Variants in TENM1 observed in about 807,000 individuals in gnomAD.
TENM1 encodes the protein teneurin transmembrane protein 1.
Under a neutral mutation model 174.8 loss-of-function variants are expected in TENM1, and 35 were observed. The ratio of observed to expected loss-of-function variants is 0.20; its 90% confidence interval spans 0.15 to 0.27. The LOEUF (loss-of-function observed/expected upper bound fraction) is 0.27, where lower values mean the gene tolerates loss of function less well. Among genes scored for constraint, TENM1 ranks in the 10% least tolerant of loss-of-function variants. The pLI is 1.00. For missense variants in TENM1, 1,633 were observed against 2,130.1 expected, an observed-to-expected ratio of 0.77 and a Z score of 4.59; for synonymous variants, 781 against 798.7, an observed-to-expected ratio of 0.98 and a Z score of 0.37.
intron 11 of TENM1, among the ~76,000 whole-genome samples, chrX:124,587,382 C>A (rs927810867): frequency 2.8e-5 from 3 of 107,006 alleles, no homozygotes. Flanking sequence ...AGAAATAATG[C>A]CACATATCTA....
the TENM1 span, among the ~76,000 whole-genome samples, chrX:124,987,003 C>T: frequency 1.8e-5 from 2 of 111,726 alleles, no homozygotes; most frequent in African/African-American, 6.5e-5. Flanking sequence ...TAACTGCATA[C>T]GCCTGCACCA....
the TENM1 span, among the ~76,000 whole-genome samples, chrX:125,201,854 T>A: frequency 2.7e-5 from 3 of 111,937 alleles, no homozygotes; most frequent in African/African-American, 9.8e-5. Context: ...AATAGTGTTA[T>A]GAACTTGAAC....
chrX:124,615,428 C>T (rs1377829351), intron 11 of TENM1, among the ~76,000 whole-genome samples: 1 of 110,933 alleles, frequency 9.0e-6, no homozygotes, highest in East Asian at 2.8e-4. Context: ...CTTCTCTGTG[C>T]CTTAGTTTCC....
At chrX:124,389,333 T>TG (rs1455561812) in intron 28 of TENM1, among the ~76,000 whole-genome samples, 1 of 112,185 alleles carries the variant, frequency 8.9e-6, no homozygotes. Flanking sequence ...CAGAGTATTT[T>TG]GGGGTGTAAA....
chrX:124,823,296 G>C (rs1408879311), intron 3 of TENM1, among the ~76,000 whole-genome samples: 3 of 112,129 alleles, frequency 2.7e-5, no homozygotes, highest in African/African-American at 9.7e-5. Context: ...TGTTATAACA[G>C]AGTCTGGCAT....
At chrX:124,760,270 C>T (rs146958252) in intron 3 of TENM1, among the ~76,000 whole-genome samples, 2 of 111,749 alleles carry the variant, frequency 1.8e-5, no homozygotes, top group African/African-American at 3.3e-5. Context: ...CTTTCCTGGT[C>T]GTGTGACAAG....
the TENM1 span, among the ~76,000 whole-genome samples, chrX:125,200,512 G>C: frequency 1.8e-5 from 2 of 110,390 alleles, no homozygotes; most frequent in East Asian, 5.7e-4. Context: ...TTTTAAGTAC[G>C]CATGGATTAT....
At chrX:124,741,818 T>C (rs1328209612) in intron 3 of TENM1, among the ~76,000 whole-genome samples, 2 of 112,342 alleles carry the variant, frequency 1.8e-5, no homozygotes, top group Non-Finnish European at 3.8e-5. Context: ...TTTTGTGTAT[T>C]CTTACGCAGT....
intron 11 of TENM1, among the ~76,000 whole-genome samples, chrX:124,620,772 T>A (rs2050498806): frequency 8.9e-6 from 1 of 112,151 alleles, no homozygotes; most frequent in Admixed American, 9.5e-5. Flanking sequence ...CTTAATATAT[T>A]CTTGTTGTCT....
chrX:124,695,780 C>T (rs181771644), intron 5 of TENM1, among the ~76,000 whole-genome samples: 1 of 110,761 alleles, frequency 9.0e-6, no homozygotes, highest in Non-Finnish European at 1.9e-5. Flanking sequence ...CCCATTGAAC[C>T]TCTTATTTTT....
intron 11 of TENM1, among the ~76,000 whole-genome samples, chrX:124,570,875 C>T (rs1419743066): frequency 9.0e-6 from 1 of 111,243 alleles, no homozygotes; most frequent in East Asian, 2.8e-4. Context: ...TGCCTATGAT[C>T]ATCATTTCTA....
chrX:124,450,359 CAAA>C (rs34309778), intron 23 of TENM1, among the ~76,000 whole-genome samples: 5 of 77,330 alleles, frequency 6.5e-5, no homozygotes, highest in Non-Finnish European at 4.9e-5. Flanking sequence ...GACTCCGTCT[CAAA>C]AAAAAAAAAA....
At chrX:124,789,773 C>G (rs953592037) in intron 3 of TENM1, among the ~76,000 whole-genome samples, 7 of 111,752 alleles carry the variant, frequency 6.3e-5, no homozygotes, top group African/African-American at 2.3e-4. Flanking sequence ...CTAGGGAGTT[C>G]CAAACTTTCC....
intron 1 of TENM1, among the ~76,000 whole-genome samples, chrX:124,928,911 C>T (rs1407695934): frequency 8.9e-6 from 1 of 111,852 alleles, no homozygotes; most frequent in Non-Finnish European, 1.9e-5. Flanking sequence ...AAACATTTGA[C>T]TTGGTTTTCA....
intron 5 of TENM1, 147 bp downstream of exon 8, chrX:124,704,866 A>C (rs955020678): frequency 2.2e-6 from 1 of 464,019 alleles, no homozygotes; most frequent in African/African-American, 2.4e-5. Context: ...AAGAAAAAAA[A>C]AAAAGAAGAA....
At chrX:124,447,814 C>G (rs148575574) in intron 23 of TENM1, among the ~76,000 whole-genome samples, 2 of 110,950 alleles carry the variant, frequency 1.8e-5, no homozygotes, top group African/African-American at 6.6e-5. Flanking sequence ...GGTCTTGAGC[C>G]TTCTCCTCTT....
At chrX:124,415,972 C>T (rs184025493) in intron 25 of TENM1, among the ~76,000 whole-genome samples, 235 of 111,627 alleles carry the variant, frequency 2.1e-3, no homozygotes, top group Non-Finnish European at 3.0e-3. Flanking sequence ...TTAAAAAACT[C>T]TTCTGTTTAC....
intron 11 of TENM1, among the ~76,000 whole-genome samples, chrX:124,600,712 C>T (rs972770765): frequency 4.5e-5 from 5 of 111,548 alleles, no homozygotes; most frequent in African/African-American, 1.6e-4. Context: ...CATCAGAAAA[C>T]TCCCAAATTG....
chrX:124,381,377 G>A, intron 31 of TENM1, 83 bp from the exon 35 acceptor site: 1 of 942,167 alleles, frequency 1.1e-6, no homozygotes, highest in Admixed American at 3.0e-5. Flanking sequence ...GGACAGGCTT[G>A]CAAGTTTGCT....
Sources: gnomAD v4.1 joint callset for allele counts (sites outside exome capture counted in the v4.1 genomes callset) on GRCh38, gnomAD v4.1.1 for gene constraint, MANE v1.5 for transcripts, NCBI Gene and HGNC (gene_info 2026-07-23, HGNC 2026-07-21) for gene names.